Variants in C10orf62 observed in about 807,000 individuals in gnomAD.
C10orf62 encodes uncharacterized protein C10orf62.
For missense variants in C10orf62, 279 were observed against 281.9 expected (o/e 0.99, Z 0.07); for synonymous variants, 94 against 109.7 (o/e 0.86, Z 0.89).
rs747477606 is a variant in C10orf62 at position 97,589,864 on chromosome 10, G to A, written c.-34G>A. ...AGCAGCCATCATGCAAGGTGGTGCTGGGGACTGCCCTCTTGCTAGGAGGTG... is the reference window on the plus strand; with the variant it reads ...AGCAGCCATCATGCAAGGTGGTGCTAGGGACTGCCCTCTTGCTAGGAGGTG... On this transcript the variant is annotated 5_prime_UTR_variant, in exon 1 of 1. Transcript: ENST00000370640. 11 of 1,551,604 alleles carry A rather than the reference G, an allele frequency of 7.1e-6. No homozygotes were observed. In the East Asian group the frequency reaches 1.8e-4, roughly 25 times the overall value.
rs1232265014 is a variant in C10orf62, at chr10:97,590,833, G to A, written c.*264G>A. 2 of 550,642 alleles carry A rather than the reference G, an allele frequency of 3.6e-6. No homozygotes were observed. Among genetic ancestry groups the A allele is most frequent in the East Asian group, 3.1e-5 (1 of 32,160 alleles). 34.1% of individuals were successfully genotyped at this position (550,642 alleles called of 1,614,324 possible). On this transcript the variant is annotated 3_prime_UTR_variant, in exon 1 of 1. Coordinates refer to ENST00000370640, the MANE Select transcript of C10orf62 (RefSeq NM_001009997.3). ...ACAGCGCAGGTGAGATAGACCCTGA[G>A]GCCCCTGAAGACCCACCAAGAGAAG...
chr10:97,590,816 G>A lies in C10orf62; in HGVS notation c.*247G>A, dbSNP rs370646526. ...GGGAGAGCTGGGAGGACACAGCGCA[G>A]GTGAGATAGACCCTGAGGCCCCTGA... On this transcript the variant is annotated 3_prime_UTR_variant, in exon 1 of 1. Coordinates refer to ENST00000370640, the MANE Select transcript of C10orf62 (RefSeq NM_001009997.3). The A allele has an allele frequency of 1.7e-6, 1 of 586,958 alleles. No homozygotes were observed. The highest frequency in any genetic ancestry group is 3.1e-6 in the Non-Finnish European group (1 of 322,410). 36.4% of individuals were successfully genotyped at this position (586,958 alleles called of 1,614,324 possible).
Position 97,589,929 on chromosome 10 carries a change from A to C in C10orf62, c.32A>C (p.Lys11Thr). The C allele has an allele frequency of 6.2e-7, 1 of 1,613,692 alleles. No homozygotes were observed. The highest frequency in any genetic ancestry group is 1.3e-5 in the African/African-American group (1 of 74,974). Residue 11 changes from lysine (K) to threonine (T), a missense_variant, in exon 1 of 1, where the codon AAG (lysine) becomes ACG (threonine). By Grantham distance (78) the Lys-to-Thr change is moderately conservative. Transcript: ENST00000370640. ...TGGGTTCAGAGAAAGAGGAGAAGAA[A>C]GGAAACCTCTGAGTGTCCATCAGAC... MLWVQRKRRR[K>T]ETSECPSDKD...
At position 97,590,210 on chromosome 10, in the gene C10orf62, G is replaced by A; in HGVS notation, c.313G>A (p.Val105Met). The change falls in exon 1 of 1, where the codon GTG (valine) becomes ATG (methionine). Residue 105 changes from valine to methionine, a missense_variant. By Grantham distance (21) the Val-to-Met change is conservative. Coordinates refer to ENST00000370640, the MANE Select transcript of C10orf62 (RefSeq NM_001009997.3). Reference sequence around the variant, plus strand: ...CAGGCAGAAGACATCTGGGCCCTCAGTGATCCAAGAGATCCACCAGGAGTC... The same window carrying A: ...CAGGCAGAAGACATCTGGGCCCTCAATGATCCAAGAGATCCACCAGGAGTC... ...TSRQKTSGPS[V>M]IQEIHQESGK... 1.9e-6 allele frequency: 3 copies of A among 1,613,950 alleles called. No homozygotes were observed. Among genetic ancestry groups the A allele is most frequent in the Non-Finnish European group, 2.5e-6 (3 of 1,180,026 alleles).
At position 97,590,121 on chromosome 10, in the gene C10orf62, T is replaced by C. The variant is rs750026258; in HGVS notation, c.224T>C (p.Ile75Thr). ...GAAGAGGTCAGCTCCACGGTTCACA[T>C]AGAGACCTTCACCACGAGGCACGGA... ...GSEEVSSTVH[I>T]ETFTTRHGEV... Residue 75 changes from isoleucine to threonine, a missense_variant, in exon 1 of 1, where the codon ATA (isoleucine) becomes ACA (threonine). Transcript: ENST00000370640. 9.9e-6 allele frequency: 16 copies of C among 1,613,984 alleles called. No homozygotes were observed. Among genetic ancestry groups the C allele is most frequent in the Middle Eastern group, 1.6e-4 (1 of 6,084 alleles).
In C10orf62 at chr10:97,590,368, C is replaced by T. The variant is rs1243642516; in HGVS notation, c.471C>T (p.His157=). The T allele has an allele frequency of 2.5e-6, 4 of 1,613,956 alleles. No homozygotes were observed. The highest frequency in any genetic ancestry group is 2.5e-6 in the Non-Finnish European group (3 of 1,180,020). The change falls in exon 1 of 1, where the codon CAC becomes CAT. Residue 157 remains histidine (H), a synonymous_variant. Transcript: ENST00000370640. The part of the protein sequence containing the change: ...QRAIAYQHSG[H]LESKDINQEE... ...CCATAGCTTACCAGCACTCAGGTCA[C>T]CTAGAGTCCAAGGACATCAACCAGG... is the stretch of plus-strand genomic sequence containing the variant.
Position 97,589,759 on chromosome 10 carries a change from A to G in C10orf62, c.-139A>G, listed in dbSNP as rs2041002649. The G allele has an allele frequency of 2.9e-6, 2 of 701,364 alleles. No individual in the cohort carries two copies. The highest frequency in any genetic ancestry group is 5.0e-6 in the Non-Finnish European group (2 of 401,242). 43.4% of individuals were successfully genotyped at this position (701,364 alleles called of 1,614,324 possible). A position where few individuals can be genotyped will look rare whatever the true frequency, so the allele number is the denominator to read the frequency against. ...GAGCCTGCCCTTTCAAGCATGAATC[A>G]TACCACCAGAGATCACCCAGCGTGC... On this transcript the variant is annotated 5_prime_UTR_variant, in exon 1 of 1. Transcript: ENST00000370640.
At position 97,590,253 on chromosome 10, in the gene C10orf62, C is replaced by G; in HGVS notation, c.356C>G (p.Thr119Ser). 2 of 1,613,886 alleles carry G rather than the reference C, an allele frequency of 1.2e-6. No homozygotes were observed. The highest frequency in any genetic ancestry group is 2.2e-5 in the South Asian group (2 of 91,084). ...CAGGAGTCTGGAAAAGCCCCATCCACTGATGAGGCCACGTGGGCCGCTGTG... is the reference window on the plus strand; with the variant it reads ...CAGGAGTCTGGAAAAGCCCCATCCAGTGATGAGGCCACGTGGGCCGCTGTG... ...IHQESGKAPSTDEATWAAVAA... is the reference protein window; with the variant it reads ...IHQESGKAPSSDEATWAAVAA... Residue 119 changes from threonine to serine, a missense_variant, in exon 1 of 1, where the codon ACT becomes AGT. Transcript: ENST00000370640.
At position 97,590,504 on chromosome 10, in the gene C10orf62, A is replaced by G; in HGVS notation, c.607A>G (p.Ser203Gly). Residue 203 changes from serine to glycine, a missense_variant, in exon 1 of 1, where the codon AGT becomes GGT. Ser to Gly is a moderately conservative substitution (Grantham distance 56). Transcript: ENST00000370640. ...ANHTHTFYGH[S>G]HHSHHGHPSH... The stretch of plus-strand genomic sequence containing the variant: ...TCACACACACACCTTCTATGGCCAC[A>G]GTCACCACAGTCACCATGGCCACCC... The G allele has an allele frequency of 1.2e-6, 2 of 1,612,534 alleles. No homozygotes were observed. Among genetic ancestry groups the G allele is most frequent in the Non-Finnish European group, 1.7e-6 (2 of 1,179,748 alleles).
In C10orf62 at chr10:97,590,767, C is replaced by G. The variant is rs1328714555; in HGVS notation, c.*198C>G. ...CTTTAAACTCCATGAGTGGGGTCTG[C>G]CACAGAAGATGGCCCCTGTTGGAGG... On this transcript the variant is annotated 3_prime_UTR_variant, in exon 1 of 1. Transcript: ENST00000370640. 1 of 623,532 alleles carries G rather than the reference C, an allele frequency of 1.6e-6. No individual in the cohort carries two copies. The highest frequency in any genetic ancestry group is 1.8e-5 in the African/African-American group (1 of 54,084). The allele number at this position is 623,532 out of a possible 1,614,324, so 38.6% of individuals were successfully genotyped here.
rs1342106327 is a variant in C10orf62 at position 97,590,409 on chromosome 10, T to G, written c.512T>G (p.Leu171Arg). Residue 171 changes from leucine (L) to arginine (R), a missense_variant, in exon 1 of 1, where the codon CTC becomes CGC. By Grantham distance (102) the Leu-to-Arg change is moderately radical (BLOSUM62 -2). Transcript: ENST00000370640. ...KDINQEELRA[L>R]EEVEMKLQKN... ...ATCAACCAGGAGGAGCTGAGGGCCC[T>G]CGAGGAGGTAGAGATGAAGCTGCAA... The G allele has an allele frequency of 6.2e-7, 1 of 1,613,960 alleles. No homozygotes were observed. Among genetic ancestry groups the G allele is most frequent in the Non-Finnish European group, 8.5e-7 (1 of 1,180,020 alleles).
In C10orf62 at chr10:97,589,975, C is replaced by T; in HGVS notation, c.78C>T (p.Ser26=). Residue 26 remains serine, a synonymous_variant, in exon 1 of 1, where the codon TCC becomes TCT. Transcript: ENST00000370640. The part of the protein sequence containing the change: ...CPSDKDKSPE[S]HKAKNESWIK... ...CAGACAAGGACAAGTCACCAGAATC[C>T]CATAAAGCAAAGAATGAAAGCTGGA... The T allele has an allele frequency of 6.2e-7, 1 of 1,614,050 alleles. No homozygotes were observed. Among genetic ancestry groups the T allele is most frequent in the Non-Finnish European group, 8.5e-7 (1 of 1,179,988 alleles).
rs1194190229 is a variant in C10orf62 at position 97,590,265 on chromosome 10, C to T, written c.368C>T (p.Thr123Met). The change falls in exon 1 of 1, where the codon ACG becomes ATG. Residue 123 changes from threonine (T) to methionine (M), a missense_variant. Coordinates refer to ENST00000370640, the MANE Select transcript of C10orf62 (RefSeq NM_001009997.3). The stretch of plus-strand genomic sequence containing the variant: ...AAAGCCCCATCCACTGATGAGGCCA[C>T]GTGGGCCGCTGTGGCTGCCTGCACC... Reference protein sequence around the residue: ...SGKAPSTDEATWAAVAACTKE... With the variant: ...SGKAPSTDEAMWAAVAACTKE... 5.6e-6 allele frequency: 9 copies of T among 1,613,764 alleles called. No individual in the cohort carries two copies. The highest frequency in any genetic ancestry group is 1.6e-4 in the Middle Eastern group (1 of 6,062).
rs201783447 is a variant in C10orf62 at position 97,590,551 on chromosome 10, G to A, written c.654G>A (p.Leu218=). The change falls in exon 1 of 1, where the codon CTG becomes CTA. Residue 218 remains leucine (L), a synonymous_variant. Coordinates refer to ENST00000370640, the MANE Select transcript of C10orf62 (RefSeq NM_001009997.3). ...HGHPSHQSHS[L]PNRRH is the part of the protein sequence containing the mutation. The stretch of plus-strand genomic sequence containing the variant: ...ACCCAAGCCACCAGAGCCACAGCCT[G>A]CCTAATCGCAGACACTAGATCTGTG... The A allele has an allele frequency of 2.0e-5, 32 of 1,611,834 alleles. No individual in the cohort carries two copies. In the East Asian group the frequency reaches 7.1e-4, roughly 36 times the overall value.
In C10orf62 at chr10:97,590,914, A is replaced by G. The variant is rs1350193256; in HGVS notation, c.*345A>G. 7 of 302,306 alleles carry G rather than the reference A, an allele frequency of 2.3e-5. No individual in the cohort carries two copies. Among genetic ancestry groups the G allele is most frequent in the Admixed American group, 9.5e-5 (2 of 21,072 alleles). The allele number at this position is 302,306 out of a possible 1,614,324, so 18.7% of individuals were successfully genotyped here. A position where few individuals can be genotyped will look rare whatever the true frequency, so the allele number is the denominator to read the frequency against. On this transcript the variant is annotated 3_prime_UTR_variant, in exon 1 of 1. Coordinates refer to ENST00000370640, the MANE Select transcript of C10orf62 (RefSeq NM_001009997.3). The stretch of plus-strand genomic sequence containing the variant: ...GATGTCATTGCCTGGAACGGAGCCA[A>G]TAAAGCTTTGTGTGCCTTCACTCTG...
Position 97,590,380 on chromosome 10 carries a change from G to A in C10orf62, c.483G>A (p.Lys161=), listed in dbSNP as rs1318203457. ...AYQHSGHLES[K]DINQEELRAL... is the part of the protein sequence containing the mutation. ...AGCACTCAGGTCACCTAGAGTCCAA[G>A]GACATCAACCAGGAGGAGCTGAGGG... The change falls in exon 1 of 1, where the codon AAG becomes AAA. Residue 161 remains lysine, a synonymous_variant. Coordinates refer to ENST00000370640, the MANE Select transcript of C10orf62 (RefSeq NM_001009997.3). The A allele has an allele frequency of 1.9e-6, 3 of 1,613,970 alleles. No individual in the cohort carries two copies. Among genetic ancestry groups the A allele is most frequent in the Admixed American group, 1.7e-5 (1 of 60,002 alleles).
At position 97,589,955 on chromosome 10, in the gene C10orf62, A is replaced by G; in HGVS notation, c.58A>G (p.Lys20Glu). 6.2e-7 allele frequency: 1 copy of G among 1,614,156 alleles called. No homozygotes were observed. The highest frequency in any genetic ancestry group is 8.5e-7 in the Non-Finnish European group (1 of 1,180,002). ...GGAAACCTCTGAGTGTCCATCAGACAAGGACAAGTCACCAGAATCCCATAA... is the reference window on the plus strand; with the variant it reads ...GGAAACCTCTGAGTGTCCATCAGACGAGGACAAGTCACCAGAATCCCATAA... ...RKETSECPSD[K>E]DKSPESHKAK... Residue 20 changes from lysine to glutamate, a missense_variant, in exon 1 of 1, where the codon AAG (lysine) becomes GAG (glutamate). By Grantham distance (56) the Lys-to-Glu change is moderately conservative. Coordinates refer to ENST00000370640, the MANE Select transcript of C10orf62 (RefSeq NM_001009997.3).
In C10orf62 at chr10:97,590,051, A is replaced by G. The variant is rs2041006032; in HGVS notation, c.154A>G (p.Asn52Asp). 6.2e-7 allele frequency: 1 copy of G among 1,614,148 alleles called. No individual in the cohort carries two copies. Among genetic ancestry groups the G allele is most frequent in the Non-Finnish European group, 8.5e-7 (1 of 1,180,024 alleles). ...LSEEKLALDN[N>D]ASASGNATQT... ...CGAAGAGAAGCTGGCCCTCGACAAC[A>G]ATGCCAGCGCTAGTGGCAATGCTAC... The change falls in exon 1 of 1, where the codon AAT becomes GAT. Residue 52 changes from asparagine to aspartate, a missense_variant. Asn to Asp is a conservative substitution (Grantham distance 23). Transcript: ENST00000370640.
At position 97,590,662 on chromosome 10, in the gene C10orf62, T is replaced by A; in HGVS notation, c.*93T>A. On this transcript the variant is annotated 3_prime_UTR_variant, in exon 1 of 1. Transcript: ENST00000370640. ...ACACACACGTCTGTTTTCTCTCCTATGGGGCCATCTATGCAGGCCAGGGTG... is the reference window on the plus strand; with the variant it reads ...ACACACACGTCTGTTTTCTCTCCTAAGGGGCCATCTATGCAGGCCAGGGTG... The A allele has an allele frequency of 7.9e-7, 1 of 1,266,786 alleles. No homozygotes were observed. The highest frequency in any genetic ancestry group is 1.1e-6 in the Non-Finnish European group (1 of 893,496). The allele number at this position is 1,266,786 out of a possible 1,614,324, so 78.5% of individuals were successfully genotyped here. A position where few individuals can be genotyped will look rare whatever the true frequency, so the allele number is the denominator to read the frequency against.
Sources: allele counts gnomAD v4.1 joint callset, GRCh38; gene constraint gnomAD v4.1.1; transcripts MANE v1.5; gene names NCBI Gene and HGNC (gene_info 2026-07-23, HGNC 2026-07-21).